MYT1L: variants seen among roughly 807,000 people sequenced by gnomAD.
MYT1L encodes the protein myelin transcription factor 1 like.
MYT1L carries 12 observed loss-of-function variants against 126.7 expected under a neutral mutation model. The observed-to-expected ratio is 0.09, with a 90% CI of 0.06 to 0.15. The LOEUF is 0.15. Among genes scored for constraint, MYT1L ranks in the 10% least tolerant of loss-of-function variants. The pLI is 1.00. For missense variants in MYT1L, 979 were observed against 1,585.2 expected (o/e 0.62, Z 6.49); for synonymous variants, 541 against 604.2 (o/e 0.90, Z 1.53).
At chr2:2,057,738 A>T (rs72767358) in intron 3 of MYT1L, among the ~76,000 whole-genome samples, 1 of 152,194 alleles carries the variant, frequency 6.6e-6, no homozygotes, top group Non-Finnish European at 1.5e-5. Context: ...CTTATTCAGC[A>T]TAATTCTCTG....
chr2:2,109,383 G>C (rs892130948), intron 3 of MYT1L, among the ~76,000 whole-genome samples: 3 of 152,138 alleles, frequency 2.0e-5, no homozygotes, highest in Non-Finnish European at 4.4e-5. Flanking sequence ...TTCTGTTAGA[G>C]AACAGCGTGG....
At position 1,943,681 on chromosome 2, in the gene MYT1L, T is replaced by C. The variant is rs1415237646; in HGVS notation, c.153-347A>G. ...ACATGTAATTGACAATACAAATTTATGAAACATTTTACCAAATATATACTA... is the reference window on the plus strand; with the variant it reads ...ACATGTAATTGACAATACAAATTTACGAAACATTTTACCAAATATATACTA... On this transcript the variant is annotated intron_variant, in intron 8 of 24. Coordinates refer to ENST00000647738, the MANE Select transcript of MYT1L (RefSeq NM_001303052.2). This position sits in a 1 kb window ranked among gnomAD's most constrained non-coding sequence, Gnocchi z 4.4. Among the ~76,000 whole-genome samples, 1 of 152,214 alleles carries C rather than the reference T, an allele frequency of 6.6e-6. No homozygotes were observed. Among genetic ancestry groups the C allele is most frequent in the Non-Finnish European group, 1.5e-5 (1 of 68,046 alleles).
intron 3 of MYT1L, among the ~76,000 whole-genome samples, chr2:2,144,601 T>C (rs2084585267): frequency 6.6e-6 from 1 of 152,212 alleles, no homozygotes. Flanking sequence ...CTTTAGGTGC[T>C]GGATCCAAAG....
At chr2:2,232,294 C>A (rs1437652995) in intron 2 of MYT1L, among the ~76,000 whole-genome samples, 2 of 152,208 alleles carry the variant, frequency 1.3e-5, no homozygotes, top group African/African-American at 4.8e-5. Context: ...GCCCTCCAGC[C>A]GGGAGGCTTG....
At chr2:2,284,620 C>G (rs1559550067) in intron 1 of MYT1L, 117 bp from the exon 2 acceptor site, 1 of 152,214 alleles carries the variant, frequency 6.6e-6, no homozygotes, top group Admixed American at 6.5e-5. Flanking sequence ...GTATTGAAGG[C>G]CCTACGCACA....
At chr2:2,241,480 A>G (rs1192995276) in intron 2 of MYT1L, among the ~76,000 whole-genome samples, 1 of 152,196 alleles carries the variant, frequency 6.6e-6, no homozygotes, top group Non-Finnish European at 1.5e-5. Context: ...TGAGGCCAGG[A>G]ACTCATTGCG....
At chr2:2,021,620 G>A (rs1468513903) in intron 4 of MYT1L, among the ~76,000 whole-genome samples, 3 of 152,174 alleles carry the variant, frequency 2.0e-5, no homozygotes, top group Admixed American at 1.3e-4. Flanking sequence ...TTTACCAGCC[G>A]GGCGCGGTGG....
intron 2 of MYT1L, among the ~76,000 whole-genome samples, chr2:2,253,526 G>T (rs2094715862): frequency 6.6e-6 from 1 of 152,228 alleles, no homozygotes; most frequent in African/African-American, 2.4e-5. Flanking sequence ...GAAGGATTGG[G>T]AACGTGTTTG....
chr2:1,876,709 T>C (rs1324576371), intron 18 of MYT1L, among the ~76,000 whole-genome samples: 1 of 152,178 alleles, frequency 6.6e-6, no homozygotes, highest in Non-Finnish European at 1.5e-5. Context: ...GACTGGCCTC[T>C]AACTGCAAGA....
rs2034830660 is a variant in MYT1L, at chr2:1,801,374, G to A, written c.3276+322C>T. The A allele has an allele frequency of 4.3e-6, 1 of 235,090 alleles. No individual in the cohort carries two copies. Among genetic ancestry groups the A allele is most frequent in the Non-Finnish European group, 8.1e-6 (1 of 123,372 alleles). The allele number at this position is 235,090 out of a possible 1,614,324, so 14.6% of individuals were successfully genotyped here. A position where few individuals can be genotyped will look rare whatever the true frequency, so the allele number is the denominator to read the frequency against. On this transcript the variant is annotated intron_variant, in intron 23 of 24. Transcript: ENST00000647738. The surrounding 1 kb of genome is among the most constrained non-coding windows in gnomAD (Gnocchi z 4.2). ...TAATATAGTGATTAAATAACAGGAGGACCTGAAGTATCTTGGAAGGAAAAC... is the reference window on the plus strand; with the variant it reads ...TAATATAGTGATTAAATAACAGGAGAACCTGAAGTATCTTGGAAGGAAAAC...
At position 2,225,298 on chromosome 2, in the gene MYT1L, G is replaced by T. The variant is rs186884317; in HGVS notation, c.-420-52310C>A. On this transcript the variant is annotated intron_variant, in intron 2 of 24. Coordinates refer to ENST00000647738, the MANE Select transcript of MYT1L (RefSeq NM_001303052.2). ...GGGTTACCAACCAGGGCAGGGGGTTGTAGTTGGCCTCCCGCTGTCCCCTTC... is the reference window on the plus strand; with the variant it reads ...GGGTTACCAACCAGGGCAGGGGGTTTTAGTTGGCCTCCCGCTGTCCCCTTC... Among the ~76,000 whole-genome samples the T allele has an allele frequency of 4.5e-3, 683 of 152,298 alleles. 3 individuals are homozygous for T. Among genetic ancestry groups the T allele is most frequent in the Non-Finnish European group, 7.6e-3 (520 of 68,030 alleles).
chr2:2,322,214 A>G (rs1458014023), intron 1 of MYT1L, among the ~76,000 whole-genome samples: 1 of 150,922 alleles, frequency 6.6e-6, no homozygotes, highest in Non-Finnish European at 1.5e-5. Context: ...AATGCCCTCT[A>G]TGGCTTCGGT....
intron 2 of MYT1L, among the ~76,000 whole-genome samples, chr2:2,268,469 G>A (rs953584665): frequency 1.3e-5 from 2 of 152,022 alleles, no homozygotes; most frequent in African/African-American, 2.4e-5. Flanking sequence ...ACCACAAATA[G>A]CCTATGAAAA....
chr2:2,085,987 G>C (rs2150350389), intron 3 of MYT1L, among the ~76,000 whole-genome samples: 1 of 152,292 alleles, frequency 6.6e-6, no homozygotes, highest in South Asian at 2.1e-4. Context: ...CCTACCGCTA[G>C]TATTTCTTAT....
intron 1 of MYT1L, among the ~76,000 whole-genome samples, chr2:2,318,611 T>C (rs951302462): frequency 6.6e-6 from 1 of 152,218 alleles, no homozygotes; most frequent in Non-Finnish European, 1.5e-5. Context: ...TTCTCAGGAC[T>C]GTGAAAAGAA....
intron 3 of MYT1L, among the ~76,000 whole-genome samples, chr2:2,069,543 T>C (rs930057246): frequency 6.6e-6 from 1 of 152,172 alleles, no homozygotes; most frequent in African/African-American, 2.4e-5. Context: ...GGTGTGCATG[T>C]GTCTTTATAG....
intron 11 of MYT1L, among the ~76,000 whole-genome samples, chr2:1,916,357 T>C (rs905833763): frequency 6.6e-6 from 1 of 152,194 alleles, no homozygotes; most frequent in Non-Finnish European, 1.5e-5. Context: ...TGTTATGACA[T>C]GTTCCCCACT....
rs577990963 is a variant in MYT1L, at chr2:2,314,226, A to G, written c.-521+16741T>C. On this transcript the variant is annotated intron_variant, in intron 1 of 24. Transcript: ENST00000647738. ...ACTTTTTAAAAAGCAAACCATTAAT[A>G]GTTTTCCAAATGAAACTGCCTGCCA... 5.9e-5 allele frequency among the ~76,000 whole-genome samples: 9 copies of G among 152,348 alleles called. No homozygotes were observed. In the South Asian group the frequency reaches 1.9e-3, roughly 32 times the overall value.
chr2:1,916,780 A>C (rs2052904098), intron 11 of MYT1L, among the ~76,000 whole-genome samples: 1 of 152,216 alleles, frequency 6.6e-6, no homozygotes. Flanking sequence ...GATGTACAGA[A>C]ATCCAGATAT....
Sources: allele counts gnomAD v4.1 joint callset (sites outside exome capture counted in the v4.1 genomes callset), GRCh38; gene constraint gnomAD v4.1.1; non-coding constraint Gnocchi (gnomAD v3.1); transcripts MANE v1.5; gene names NCBI Gene and HGNC (gene_info 2026-07-23, HGNC 2026-07-21).